ANHX: variants seen among roughly 807,000 people sequenced by gnomAD.
ANHX encodes anomalous homeobox protein.
In ANHX, 20 loss-of-function variants were observed where a neutral mutation model predicts 38.9. The ratio of observed to expected loss-of-function variants is 0.51; its 90% CI spans 0.36 to 0.75. The LOEUF is 0.75. ANHX is among the 30% of genes least tolerant of loss of function. The probability of loss-of-function intolerance (pLI) is 0.00; values close to 1 mark genes in which losing one functional copy is unlikely to be tolerated. For synonymous variants in ANHX, 185 were observed against 203.1 expected, an observed-to-expected ratio of 0.91 and a Z score of 0.76; for missense variants, 475 against 493.1, an observed-to-expected ratio of 0.96 and a Z score of 0.35.
At chr12:133,232,155 G>A (rs1225339846) in intron 2 of ANHX, among the ~76,000 whole-genome samples, 1 of 152,208 alleles carries the variant, frequency 6.6e-6, no homozygotes, top group Non-Finnish European at 1.5e-5. Flanking sequence ...CAGCAGCAGT[G>A]CTGGTCCCTC....
intron 8 of ANHX, among the ~76,000 whole-genome samples, chr12:133,219,750 C>T (rs1204054685): frequency 3.9e-5 from 6 of 152,110 alleles, no homozygotes; most frequent in African/African-American, 9.7e-5. Context: ...GACATGGCCA[C>T]GGCACTCCTG....
At chr12:133,224,028 CAA>C (rs1162037798) in intron 7 of ANHX, among the ~76,000 whole-genome samples, 1 of 152,126 alleles carries the variant, frequency 6.6e-6, no homozygotes, top group Non-Finnish European at 1.5e-5. Flanking sequence ...CTCTTTCTTG[CAA>C]AGTTAACTGA....
intron 2 of ANHX, among the ~76,000 whole-genome samples, chr12:133,233,366 A>C (rs1209265282): frequency 6.6e-6 from 1 of 152,250 alleles, no homozygotes; most frequent in Non-Finnish European, 1.5e-5. Flanking sequence ...AGTATCTTGA[A>C]GGTAAACTCA....
rs1386163786 is a variant in ANHX, at chr12:133,221,281, G to T, written c.1204C>A (p.Arg402=). The part of the protein sequence containing the change: ...LEEGLGTSSG[R]TELRVGSFLV... The stretch of plus-strand genomic sequence containing the variant: ...AAGCTGCCCACCCGTAGCTCTGTCC[G>T]TCCACTGCTTGTGCCCAGACCCTCC... The change falls in exon 8 of 10, where the codon CGG becomes AGG. Residue 402 remains arginine (R), a synonymous_variant. Transcript: ENST00000545940. The surrounding 1 kb of genome is among the most constrained non-coding windows in gnomAD (Gnocchi z 4.1). The T allele has an allele frequency of 6.5e-7, 1 of 1,535,886 alleles. No homozygotes were observed. Among genetic ancestry groups the T allele is most frequent in the African/African-American group, 1.4e-5 (1 of 73,000 alleles).
rs553340165 is a variant in ANHX, at chr12:133,231,651, A to C, written c.250-7T>G. On this transcript the variant is annotated splice_region_variant and splice_polypyrimidine_tract_variant and intron_variant, in intron 2 of 9. Coordinates refer to ENST00000545940, the MANE Select transcript of ANHX (RefSeq NM_001372060.1). ...CTCCCGGCACCTGGCACCCCTGCCA[A>C]GAAGAGTGTACTGAGCCCTGGCCAC... The C allele has an allele frequency of 1.6e-5, 24 of 1,535,950 alleles. No homozygotes were observed. The South Asian group carries it at 2.9e-4, about 18-fold the overall frequency.
chr12:133,230,355 T>C (rs3934564), intron 3 of ANHX, among the ~76,000 whole-genome samples: 10,193 of 152,286 alleles, frequency 0.067, 1,161 homozygotes, highest in African/African-American at 0.23. Flanking sequence ...CGACTTGTCT[T>C]ACTCTGTCAC....
At position 133,227,159 on chromosome 12, in the gene ANHX, C is replaced by T. The variant is rs1467789972; in HGVS notation, c.502-7G>A. 2.6e-6 allele frequency: 4 copies of T among 1,531,820 alleles called. No homozygotes were observed. Among genetic ancestry groups the T allele is most frequent in the Non-Finnish European group, 3.5e-6 (4 of 1,144,244 alleles). The allele number at this position is 1,531,820 out of a possible 1,614,324, so 94.9% of individuals were successfully genotyped here. The stretch of plus-strand genomic sequence containing the variant: ...TCTCCAATGCCAAGTTCTCCTGCCC[C>T]CAAACAACAAGACTTCTAGCCCTGC... On this transcript the variant is annotated splice_polypyrimidine_tract_variant and splice_region_variant and intron_variant, in intron 4 of 9. Transcript: ENST00000545940.
chr12:133,234,424 C>T (rs907745664), intron 1 of ANHX, 46 bp from the exon 2 acceptor site: 3 of 1,488,144 alleles, frequency 2.0e-6, no homozygotes, highest in Non-Finnish European at 2.7e-6. Context: ...TGACCACGTC[C>T]TTTCTGTCAG....
rs539991497 is a variant in ANHX at position 133,227,451 on chromosome 12, C to T, written c.502-299G>A. 2.0e-5 allele frequency among the ~76,000 whole-genome samples: 3 copies of T among 152,304 alleles called. No individual in the cohort carries two copies. In the East Asian group the frequency reaches 5.8e-4, roughly 29 times the overall value. On this transcript the variant is annotated intron_variant, in intron 4 of 9. Transcript: ENST00000545940. ...CCAGACAACATGCCCAGGGCCACCC[C>T]AAGCCCCTGGAGGGGCAGGGCCTGC...
intron 3 of ANHX, among the ~76,000 whole-genome samples, chr12:133,228,571 G>A (rs1007302317): frequency 4.6e-5 from 7 of 152,048 alleles, no homozygotes; most frequent in African/African-American, 1.7e-4. Context: ...AATGTCCTTG[G>A]GTGATCTGGC....
Position 133,225,615 on chromosome 12 carries a change from A to G in ANHX, c.1053T>C (p.His351=), listed in dbSNP as rs961118366. ...CAGGGCCCATCATGAAGTCCAGCCC[A>G]TGGCTGTGGACCAGCTGCCCAGTCT... is the stretch of plus-strand genomic sequence containing the variant. ...SFQTGQLVHS[H]GLDFMMGPAD... The change falls in exon 7 of 10, where the codon CAT becomes CAC. Residue 351 remains histidine (H), a synonymous_variant. Transcript: ENST00000545940. 5.3e-5 allele frequency among the ~76,000 whole-genome samples: 8 copies of G among 152,224 alleles called. No homozygotes were observed. The highest frequency in any genetic ancestry group is 1.9e-4 in the African/African-American group (8 of 41,456).
At chr12:133,230,905 T>A (rs1350274254) in intron 3 of ANHX, among the ~76,000 whole-genome samples, 1 of 152,134 alleles carries the variant, frequency 6.6e-6, no homozygotes, top group Non-Finnish European at 1.5e-5. Context: ...TAATAAAAAT[T>A]ACTAGTAACA....
At position 133,223,197 on chromosome 12, in the gene ANHX, A is replaced by AAAT. The variant is rs963607305; in HGVS notation, c.1133-1846_1133-1845insATT. Among the ~76,000 whole-genome samples, 180 of 150,966 alleles carry AAAT rather than the reference A, an allele frequency of 1.2e-3. 1 individual carries two copies. The highest frequency in any genetic ancestry group is 4.2e-3 in the African/African-American group (173 of 41,116). On this transcript the variant is annotated intron_variant, in intron 7 of 9. Transcript: ENST00000545940. The stretch of plus-strand genomic sequence containing the variant: ...AGATCAAAACTCCGCCTCAAAAAAA[A>AAAT]ATATATATATATATAACTGTTAAAG...
chr12:133,222,827 T>C (rs1375814280), intron 7 of ANHX, among the ~76,000 whole-genome samples: 4 of 152,118 alleles, frequency 2.6e-5, no homozygotes, highest in Non-Finnish European at 5.9e-5. Context: ...ATTGCATCCA[T>C]AGAAAGTAAC....
Position 133,234,276 on chromosome 12 carries a change from T to A in ANHX, c.81A>T (p.Arg27Ser). The stretch of plus-strand genomic sequence containing the variant: ...GGTCATCCTGGAAGTCCCGGCACAG[T>A]CTGCCCGCAAGGGTCACCAGCTCCG... Reference protein sequence around the residue: ...PPAELVTLAGRLCRDFQDDLA... With the variant: ...PPAELVTLAGSLCRDFQDDLA... The change falls in exon 2 of 10, where the codon AGA becomes AGT. Residue 27 changes from arginine to serine, a missense_variant. Coordinates refer to ENST00000545940, the MANE Select transcript of ANHX (RefSeq NM_001372060.1). 6.5e-7 allele frequency: 1 copy of A among 1,536,164 alleles called. No individual in the cohort carries two copies. The highest frequency in any genetic ancestry group is 8.7e-7 in the Non-Finnish European group (1 of 1,146,898).
At position 133,227,747 on chromosome 12, in the gene ANHX, G is replaced by T. The variant is rs562031862; in HGVS notation, c.501+77C>A. The T allele has an allele frequency of 2.4e-5, 36 of 1,499,730 alleles. No individual in the cohort carries two copies. In the Middle Eastern group the frequency reaches 5.1e-4, roughly 21 times the overall value. The allele number at this position is 1,499,730 out of a possible 1,614,324, so 92.9% of individuals were successfully genotyped here. On this transcript the variant is annotated intron_variant, in intron 4 of 9. Transcript: ENST00000545940. Reference sequence around the variant, plus strand: ...GGCGGATGAGGCCACTGAGGAGCCTGGGGTGGGGGTACCCCTTGGGGGACA... The same window carrying T: ...GGCGGATGAGGCCACTGAGGAGCCTTGGGTGGGGGTACCCCTTGGGGGACA...
At position 133,225,782 on chromosome 12, in the gene ANHX, G is replaced by C. The variant is rs1043202918; in HGVS notation, c.886C>G (p.Pro296Ala). The change falls in exon 7 of 10, where the codon CCT becomes GCT. Residue 296 changes from proline to alanine, a missense_variant. Coordinates refer to ENST00000545940, the MANE Select transcript of ANHX (RefSeq NM_001372060.1). ...GGGCAGAAGAGGGGGAGGGTGGCAGGATCATGGCCAGGCCCCTCCTGGTAC... is the reference window on the plus strand; with the variant it reads ...GGGCAGAAGAGGGGGAGGGTGGCAGCATCATGGCCAGGCCCCTCCTGGTAC... ...EMYQEGPGHD[P>A]ATLPLFCPGP... is the part of the protein sequence containing the mutation. Among the ~76,000 whole-genome samples, 3 of 152,188 alleles carry C rather than the reference G, an allele frequency of 2.0e-5. No individual in the cohort carries two copies. Among genetic ancestry groups the C allele is most frequent in the Non-Finnish European group, 4.4e-5 (3 of 68,046 alleles).
At chr12:133,228,580 G>A (rs1463354235) in intron 3 of ANHX, among the ~76,000 whole-genome samples, 1 of 152,026 alleles carries the variant, frequency 6.6e-6, no homozygotes, top group African/African-American at 2.4e-5. Context: ...GGGTGATCTG[G>A]CTCTCATTTC....
chr12:133,226,915 T>C (rs1176190111), intron 5 of ANHX, 21 bp downstream of exon 5: 1 of 1,490,018 alleles, frequency 6.7e-7, no homozygotes. Flanking sequence ...ACAAGGAGAC[T>C]GGGGCCCTCA....
Sources: allele counts gnomAD v4.1 joint callset (sites outside exome capture counted in the v4.1 genomes callset), GRCh38; gene constraint gnomAD v4.1.1; non-coding constraint Gnocchi (gnomAD v3.1); transcripts MANE v1.5; gene names NCBI Gene and HGNC (gene_info 2026-07-23, HGNC 2026-07-21).